DMD: variants seen among roughly 807,000 people sequenced by gnomAD.
DMD encodes the protein mutant dystrophin.
In DMD, 63 loss-of-function variants were observed where a neutral mutation model predicts 330.1. The ratio of observed to expected loss-of-function variants is 0.19; its 90% confidence interval spans 0.16 to 0.24. The LOEUF (loss-of-function observed/expected upper bound fraction) is 0.24, where lower values mean the gene tolerates loss of function less well. DMD is among the 10% of genes least tolerant of loss of function. The pLI is 1.00. For synonymous variants in DMD, 1,223 were observed against 959.8 expected (o/e 1.27, Z -5.07); for missense variants, 3,344 against 2,684.1 (o/e 1.25, Z -5.43).
intron 21 of DMD, among the ~76,000 whole-genome samples, chrX:32,473,825 T>C (rs1306754814): frequency 1.8e-5 from 2 of 111,193 alleles, no homozygotes; most frequent in African/African-American, 6.5e-5. Context: ...TCTATTAACC[T>C]GATGCATTTA....
At chrX:31,360,107 GAA>G (rs1326543886) in intron 60 of DMD, among the ~76,000 whole-genome samples, 1 of 110,292 alleles carries the variant, frequency 9.1e-6, no homozygotes, top group East Asian at 2.8e-4. Context: ...AGGATAAACA[GAA>G]AAAGAGTTGA....
chrX:32,287,778 C>A, intron 42 of DMD, 77 bp from the exon 43 acceptor site: 1 of 665,367 alleles, frequency 1.5e-6, no homozygotes, highest in Non-Finnish European at 2.1e-6. Context: ...TATATATATA[C>A]AAATCCCAAA....
At chrX:32,747,244 T>C (rs1174072712) in intron 7 of DMD, among the ~76,000 whole-genome samples, 2 of 112,122 alleles carry the variant, frequency 1.8e-5, no homozygotes, top group African/African-American at 6.5e-5. Flanking sequence ...TCCTCAAATT[T>C]TGATTCAGTT....
chrX:31,581,962 A>G (rs187678531), intron 55 of DMD, among the ~76,000 whole-genome samples: 124 of 111,966 alleles, frequency 1.1e-3, no homozygotes, highest in Admixed American at 3.0e-3. Flanking sequence ...ACATACTTGT[A>G]TACCAGTGCC....
intron 44 of DMD, among the ~76,000 whole-genome samples, chrX:32,196,249 A>G (rs921191664): frequency 1.5e-4 from 17 of 112,376 alleles, no homozygotes; most frequent in African/African-American, 4.5e-4. Flanking sequence ...TAATAGGCTT[A>G]TGACAACTTG....
At chrX:33,190,924 A>AT (rs1159966162) in intron 1 of DMD, among the ~76,000 whole-genome samples, 2 of 819 alleles carry the variant, frequency 2.4e-3, no homozygotes, top group Admixed American at 0.023. Flanking sequence ...TTATATATAT[A>AT]ATATTATATA....
At chrX:31,752,817 T>A (rs968673114) in intron 51 of DMD, among the ~76,000 whole-genome samples, 11 of 111,558 alleles carry the variant, frequency 9.9e-5, no homozygotes, top group Middle Eastern at 9.2e-3. Flanking sequence ...CACCCACTCA[T>A]AAACATTAAG....
chrX:31,890,114 T>G (rs1202380458), intron 47 of DMD, among the ~76,000 whole-genome samples: 1 of 110,021 alleles, frequency 9.1e-6, no homozygotes, highest in East Asian at 2.8e-4. Flanking sequence ...CTTTTTACTT[T>G]TATATAAATC....
chrX:32,993,340 A>C (rs918563038), intron 2 of DMD, among the ~76,000 whole-genome samples: 1 of 111,707 alleles, frequency 9.0e-6, no homozygotes, highest in Non-Finnish European at 1.9e-5. Flanking sequence ...GCGGTCGCTC[A>C]TGCCTGTAAT....
At chrX:32,810,938 G>A (rs1323794446) in intron 6 of DMD, among the ~76,000 whole-genome samples, 1 of 110,840 alleles carries the variant, frequency 9.0e-6, no homozygotes, top group Non-Finnish European at 1.9e-5. Flanking sequence ...TTTGGAATTC[G>A]CTTTTCGAAG....
chrX:31,409,327 C>T (rs1453868608), intron 60 of DMD, among the ~76,000 whole-genome samples: 1 of 112,225 alleles, frequency 8.9e-6, no homozygotes, highest in African/African-American at 3.2e-5. Flanking sequence ...GATCATAGCA[C>T]TTTTGCTTAA....
At chrX:32,003,840 T>A (rs756722643) in intron 44 of DMD, among the ~76,000 whole-genome samples, 53 of 111,354 alleles carry the variant, frequency 4.8e-4, no homozygotes, top group Admixed American at 4.4e-3. Context: ...GTATAATTAG[T>A]ATTCTGTATA....
intron 42 of DMD, among the ~76,000 whole-genome samples, chrX:32,296,257 G>A (rs1039857370): frequency 3.6e-5 from 4 of 110,382 alleles, no homozygotes; most frequent in East Asian, 2.8e-4. Flanking sequence ...CAGGTGTGGC[G>A]GTGGGCGCCT....
rs1489017253 is a variant in DMD at position 32,844,846 on chromosome X, T to G, written c.201A>C (p.Gly67=). 8.3e-7 allele frequency: 1 copy of G among 1,210,847 alleles called. No individual in the cohort carries two copies. The highest frequency in any genetic ancestry group is 2.2e-5 in the Admixed American group (1 of 46,007). ...LTGQKLPKEK[G]STRVHALNNV... ...TGTTCAGGGCATGAACTCTTGTGGA[T>G]CCTTTTTCTTTTGGCTGAGAACAAA... The change falls in exon 4 of 79, where the codon GGA becomes GGC. Residue 67 remains glycine (G), a synonymous_variant. Transcript: ENST00000357033.
intron 1 of DMD, among the ~76,000 whole-genome samples, chrX:33,023,859 C>CT (rs1343782746): frequency 1.7e-4 from 19 of 111,352 alleles, no homozygotes; most frequent in African/African-American, 5.5e-4. Context: ...CAGAAAACTC[C>CT]TATAACCATA....
intron 43 of DMD, among the ~76,000 whole-genome samples, chrX:32,283,408 A>G (rs1260340261): frequency 8.9e-6 from 1 of 111,853 alleles, no homozygotes; most frequent in Non-Finnish European, 1.9e-5. Context: ...ATTTTGATTT[A>G]ACCCAAATTG....
At chrX:32,868,826 G>T (rs1015620786) in intron 2 of DMD, among the ~76,000 whole-genome samples, 1 of 112,217 alleles carries the variant, frequency 8.9e-6, no homozygotes, top group Admixed American at 9.4e-5. Context: ...TACCCTGCTG[G>T]CTCTAAAGAA....
At chrX:32,776,108 C>T (rs1398377095) in intron 7 of DMD, among the ~76,000 whole-genome samples, 1 of 111,750 alleles carries the variant, frequency 8.9e-6, no homozygotes, top group Non-Finnish European at 1.9e-5. Context: ...AATCTCTTTG[C>T]TAAAGCATAG....
At chrX:32,545,452 C>G (rs1428510813) in intron 16 of DMD, 118 bp from the exon 17 acceptor site, 1 of 735,037 alleles carries the variant, frequency 1.4e-6, no homozygotes, top group East Asian at 3.3e-5. Context: ...GATTGACCTT[C>G]AGATCAAAAT....
Sources: allele counts gnomAD v4.1 joint callset (sites outside exome capture counted in the v4.1 genomes callset), GRCh38; gene constraint gnomAD v4.1.1; transcripts MANE v1.5; gene names NCBI Gene and HGNC (gene_info 2026-07-23, HGNC 2026-07-21).